SLC14A2: variants seen among roughly 807,000 people sequenced by gnomAD.
SLC14A2 encodes urea transporter 2.
In SLC14A2, 91 loss-of-function variants were observed where a neutral mutation model predicts 104.6. The ratio of observed to expected loss-of-function variants is 0.87; its 90% CI spans 0.73 to 1.04. The LOEUF is 1.04. Ranked by LOEUF, SLC14A2 falls within the 50% of genes least tolerant of loss-of-function variation. SLC14A2 has a pLI of 0.00. For synonymous variants in SLC14A2, 476 were observed against 466.4 expected (o/e 1.02, Z -0.27); for missense variants, 1,189 against 1,156.0 (o/e 1.03, Z -0.41).
intron 8 of SLC14A2, among the ~76,000 whole-genome samples, chr18:45,641,930 C>T (rs1282460975): frequency 6.6e-6 from 1 of 152,192 alleles, no homozygotes; most frequent in East Asian, 1.9e-4. Flanking sequence ...CACCTGTATC[C>T]CAGCACCATA....
At chr18:45,564,303 C>T (rs910023725) in intron 2 of SLC14A2, among the ~76,000 whole-genome samples, 2 of 152,204 alleles carry the variant, frequency 1.3e-5, no homozygotes, top group African/African-American at 4.8e-5. Context: ...GCTTCTGGCT[C>T]TGGGCATTTA....
At chr18:45,462,069 A>G (rs2511067) in intron 1 of SLC14A2, among the ~76,000 whole-genome samples, 82,679 of 152,002 alleles carry the variant, frequency 0.54, 22,927 homozygotes, top group Admixed American at 0.68. Context: ...AGAAAACATC[A>G]AGTTATCATT....
At chr18:45,526,789 AG>A (rs2043599099) in intron 2 of SLC14A2, among the ~76,000 whole-genome samples, 1 of 152,174 alleles carries the variant, frequency 6.6e-6, no homozygotes, top group African/African-American at 2.4e-5. Flanking sequence ...AGCCAGGCAA[AG>A]TAGGGTGGGT....
intron 2 of SLC14A2, among the ~76,000 whole-genome samples, chr18:45,519,663 C>A (rs1239492443): frequency 6.6e-6 from 1 of 152,160 alleles, no homozygotes; most frequent in Non-Finnish European, 1.5e-5. Flanking sequence ...CTCATATAAA[C>A]CCCAACTTGT....
intron 1 of SLC14A2, among the ~76,000 whole-genome samples, chr18:45,279,451 G>A (rs2084738958): frequency 6.6e-6 from 1 of 152,058 alleles, no homozygotes; most frequent in South Asian, 2.1e-4. Flanking sequence ...TGGAAAGCAG[G>A]GACTTGACAG....
intron 1 of SLC14A2, among the ~76,000 whole-genome samples, chr18:45,358,745 T>A (rs548450469): frequency 6.6e-6 from 1 of 152,228 alleles, no homozygotes; most frequent in South Asian, 2.1e-4. Context: ...CCCAGCTAAC[T>A]TTTTCGTATT....
At chr18:45,570,315 T>A (rs1306409126) in intron 2 of SLC14A2, among the ~76,000 whole-genome samples, 1 of 151,804 alleles carries the variant, frequency 6.6e-6, no homozygotes, top group East Asian at 1.9e-4. Flanking sequence ...CCAGACTCCC[T>A]ACACCCTCAC....
chr18:45,418,749 C>T (rs114041868), intron 1 of SLC14A2, among the ~76,000 whole-genome samples: 143 of 152,226 alleles, frequency 9.4e-4, no homozygotes, highest in South Asian at 4.4e-3. Context: ...GTGAGAAGGA[C>T]GAACGAAGAC....
At position 45,673,577 on chromosome 18, in the gene SLC14A2, A is replaced by G. The variant is rs41301141; in HGVS notation, c.2378-106A>G. 4,673 of 1,277,062 alleles carry G rather than the reference A, an allele frequency of 3.7e-3. 11 individuals are homozygous for G. The highest frequency in any genetic ancestry group is 4.6e-3 in the Non-Finnish European group (4,204 of 913,188). 79.1% of individuals were successfully genotyped at this position (1,277,062 alleles called of 1,614,324 possible). A position where few individuals can be genotyped will look rare whatever the true frequency, so the allele number is the denominator to read the frequency against. ...GAAGTCCTTTTTGTATAACTACCTA[A>G]GAAGATAACTGGCTCCGGGCTTTGA... On this transcript the variant is annotated intron_variant, in intron 17 of 19. Coordinates refer to ENST00000255226, the MANE Select transcript of SLC14A2 (RefSeq NM_007163.4).
At chr18:45,261,669 T>C (rs533802154) in intron 1 of SLC14A2, among the ~76,000 whole-genome samples, 2 of 152,234 alleles carry the variant, frequency 1.3e-5, no homozygotes, top group South Asian at 2.1e-4. Context: ...TTTGGTTTTT[T>C]GTCCTTGTGG....
At chr18:45,611,887 G>T (rs1482669056), upstream of SLC14A2, among the ~76,000 whole-genome samples, 2 of 152,204 alleles carry the variant, frequency 1.3e-5, no homozygotes, top group African/African-American at 4.8e-5. Flanking sequence ...GAAGGAAAGT[G>T]CTTTGTAACA....
intron 1 of SLC14A2, among the ~76,000 whole-genome samples, chr18:45,432,313 G>A (rs947890231): frequency 2.0e-5 from 3 of 152,136 alleles, no homozygotes; most frequent in South Asian, 2.1e-4. Flanking sequence ...GGACCCAGGT[G>A]ACCGAATAAA....
intron 1 of SLC14A2, among the ~76,000 whole-genome samples, chr18:45,293,512 GT>G (rs1184933148): frequency 1.3e-5 from 2 of 151,926 alleles, no homozygotes; most frequent in East Asian, 3.9e-4. Flanking sequence ...GTCAGGCAAG[GT>G]CCCCCCGAGA....
chr18:45,364,062 A>G (rs1408425171), intron 1 of SLC14A2, among the ~76,000 whole-genome samples: 1 of 152,120 alleles, frequency 6.6e-6, no homozygotes, highest in Non-Finnish European at 1.5e-5. Flanking sequence ...GCCTCCTTAA[A>G]GCTTTCCCGT....
chr18:45,181,473 C>A, the SLC14A2 span: 2 of 152,068 alleles, frequency 1.3e-5, no homozygotes, highest in Non-Finnish European at 2.9e-5. Context: ...ACTGGGTCAC[C>A]GCGTGGTCTT....
chr18:45,288,493 CT>C (rs2084837503), intron 1 of SLC14A2, among the ~76,000 whole-genome samples: 1 of 152,226 alleles, frequency 6.6e-6, no homozygotes, highest in Non-Finnish European at 1.5e-5. Context: ...ACAGGTACCC[CT>C]GTTCTGGTGC....
At chr18:45,595,710 G>T (rs532572241) in intron 2 of SLC14A2, among the ~76,000 whole-genome samples, 4 of 152,262 alleles carry the variant, frequency 2.6e-5, no homozygotes, top group African/African-American at 9.6e-5. Context: ...TTGCTGTGAG[G>T]ATTAGAACCA....
intron 17 of SLC14A2, 59 bp downstream of exon 17, chr18:45,673,106 T>C: frequency 6.6e-7 from 1 of 1,511,276 alleles, no homozygotes; most frequent in South Asian, 1.2e-5. Flanking sequence ...CAGCTCCAAA[T>C]AAAATGGTGA....
chr18:45,365,145 G>A (rs1055345907), intron 1 of SLC14A2, among the ~76,000 whole-genome samples: 4 of 152,116 alleles, frequency 2.6e-5, no homozygotes, highest in Admixed American at 6.5e-5. Flanking sequence ...CTAAGACCCC[G>A]AGCTCAGAGG....
Sources: allele counts gnomAD v4.1 joint callset (sites outside exome capture counted in the v4.1 genomes callset), GRCh38; gene constraint gnomAD v4.1.1; transcripts MANE v1.5; gene names NCBI Gene and HGNC (gene_info 2026-07-23, HGNC 2026-07-21).